The following SMAD6 variants were observed in gnomAD, a reference collection of about 807,000 sequenced individuals.
The protein encoded by SMAD6 is MAD homolog 6.
In SMAD6, 103 loss-of-function variants were observed where a neutral mutation model predicts 39.4. That is an observed-to-expected ratio of 2.62 (90% CI 2.23 to 3.08). SMAD6 has a LOEUF of 3.08. SMAD6 is among the 30% of genes most tolerant of loss of function. The pLI is 0.00. For synonymous variants in SMAD6, 445 were observed against 353.3 expected, an observed-to-expected ratio of 1.26 and a Z score of -2.91; for missense variants, 1,104 against 742.9, an observed-to-expected ratio of 1.49 and a Z score of -5.65.
rs546221660 is a variant in SMAD6 at position 66,751,379 on chromosome 15, G to T, written c.953-29618G>T. 3.2e-4 allele frequency among the ~76,000 whole-genome samples: 49 copies of T among 152,312 alleles called. 1 individual carries two copies. The South Asian group carries it at 1.0e-2, about 31-fold the overall frequency. On this transcript the variant is annotated intron_variant, in intron 3 of 3. Transcript: ENST00000288840. ...TGGTAGTCCATGAACAGTGCCTAGT[G>T]CTTAGTGCATAGTGGATGTTCAGGA...
At position 66,703,587 on chromosome 15, in the gene SMAD6, C is replaced by T; in HGVS notation, c.329C>T (p.Pro110Leu). Residue 110 changes from proline (P) to leucine (L), a missense_variant, in exon 1 of 4, where the codon CCG becomes CTG. Coordinates refer to ENST00000288840, the MANE Select transcript of SMAD6 (RefSeq NM_005585.5). ...AGCTCCCTGCTGGACGTGGCGGAGCCGGGAGGCCCGGGCTGGCTGCCCGAG... is the reference window on the plus strand; with the variant it reads ...AGCTCCCTGCTGGACGTGGCGGAGCTGGGAGGCCCGGGCTGGCTGCCCGAG... ...AGSSLLDVAE[P>L]GGPGWLPESD... 3.3e-6 allele frequency: 4 copies of T among 1,226,466 alleles called. No individual in the cohort carries two copies. The highest frequency in any genetic ancestry group is 3.2e-4 in the Middle Eastern group (1 of 3,112). 76.0% of individuals were successfully genotyped at this position (1,226,466 alleles called of 1,614,324 possible).
At chr15:66,734,558 C>T (rs575501637) in intron 3 of SMAD6, among the ~76,000 whole-genome samples, 1 of 152,194 alleles carries the variant, frequency 6.6e-6, no homozygotes, top group South Asian at 2.1e-4. Context: ...TTAGCTTTGA[C>T]TTTTATGACA....
rs1418213142 is a variant in SMAD6 at position 66,703,486 on chromosome 15, C to T, written c.228C>T (p.Gly76=). 2.4e-6 allele frequency: 3 copies of T among 1,234,248 alleles called. No homozygotes were observed. The highest frequency in any genetic ancestry group is 2.0e-6 in the Non-Finnish European group (2 of 984,792). The allele number at this position is 1,234,248 out of a possible 1,614,324, so 76.5% of individuals were successfully genotyped here. ...CCCGGGACGCAGTGGGACAGCGAGG[C>T]GCCCAGGGCGCGGGGAGGCGCCGGC... ...RRPRDAVGQR[G]AQGAGRRRRA... The change falls in exon 1 of 4, where the codon GGC becomes GGT. Residue 76 remains glycine (G), a synonymous_variant. Transcript: ENST00000288840.
intron 3 of SMAD6, among the ~76,000 whole-genome samples, chr15:66,757,337 C>T (rs1178629312): frequency 4.6e-5 from 7 of 152,150 alleles, no homozygotes; most frequent in East Asian, 1.9e-4. Context: ...CAAGAAATGC[C>T]GCTTTCCTTT....
intron 2 of SMAD6, among the ~76,000 whole-genome samples, chr15:66,712,690 A>G (rs1290462154): frequency 2.8e-5 from 4 of 141,574 alleles, no homozygotes; most frequent in Non-Finnish European, 4.5e-5. Flanking sequence ...TTCTGTCTCA[A>G]AAAAAAAAAA....
At chr15:66,779,562 G>A (rs1277021111) in intron 3 of SMAD6, among the ~76,000 whole-genome samples, 4 of 152,212 alleles carry the variant, frequency 2.6e-5, no homozygotes, top group Non-Finnish European at 4.4e-5. Context: ...CTCCCAGTGT[G>A]TAAGGGGATG....
At chr15:66,737,525 T>C (rs553679694) in intron 3 of SMAD6, among the ~76,000 whole-genome samples, 5 of 152,184 alleles carry the variant, frequency 3.3e-5, no homozygotes, top group Non-Finnish European at 4.4e-5. Flanking sequence ...GGGTGTTGAA[T>C]TGGAGGAAGG....
At chr15:66,744,500 TCC>T (rs1287033002) in intron 3 of SMAD6, among the ~76,000 whole-genome samples, 4 of 152,194 alleles carry the variant, frequency 2.6e-5, no homozygotes, top group African/African-American at 9.6e-5. Flanking sequence ...TCCATCCACC[TCC>T]GTCTCTGGCA....
chr15:66,747,324 C>T lies in SMAD6; in HGVS notation c.952+30826C>T, dbSNP rs1464131518. On this transcript the variant is annotated intron_variant, in intron 3 of 3. Coordinates refer to ENST00000288840, the MANE Select transcript of SMAD6 (RefSeq NM_005585.5). This position sits in a 1 kb window ranked among gnomAD's most constrained non-coding sequence, Gnocchi z 4.5. ...CACCACACCTGCCCTTCCCCATGAG[C>T]GCCTTACCTGCCGGTGCTAAGGAGC... Among the ~76,000 whole-genome samples, 5 of 152,356 alleles carry T rather than the reference C, an allele frequency of 3.3e-5. No individual in the cohort carries two copies. Among genetic ancestry groups the T allele is most frequent in the East Asian group, 3.9e-4 (2 of 5,186 alleles).
intron 3 of SMAD6, among the ~76,000 whole-genome samples, chr15:66,756,937 T>C (rs1221180297): frequency 2.6e-5 from 4 of 152,226 alleles, no homozygotes; most frequent in Admixed American, 6.5e-5. Context: ...GATACTCATA[T>C]GTTGGGAGGG....
chr15:66,725,395 C>G (rs373649967), intron 3 of SMAD6, among the ~76,000 whole-genome samples: 4 of 152,198 alleles, frequency 2.6e-5, no homozygotes, highest in Admixed American at 2.6e-4. Flanking sequence ...CCTACCCTCA[C>G]CATTTGGTAG....
intron 3 of SMAD6, among the ~76,000 whole-genome samples, chr15:66,767,801 A>G (rs1894313317): frequency 6.6e-6 from 1 of 152,106 alleles, no homozygotes; most frequent in African/African-American, 2.4e-5. Flanking sequence ...ACTTTAAGAA[A>G]ATTCAGTATA....
rs1567096473 is a variant in SMAD6 at position 66,716,469 on chromosome 15, C to G, written c.923C>G (p.Ser308Cys). 1 of 1,613,426 alleles carries G rather than the reference C, an allele frequency of 6.2e-7. No homozygotes were observed. The highest frequency in any genetic ancestry group is 1.3e-5 in the African/African-American group (1 of 74,914). Residue 308 changes from serine to cysteine, a missense_variant, in exon 3 of 4, where the codon TCC becomes TGC. Ser to Cys is a moderately radical substitution (Grantham distance 112). Transcript: ENST00000288840. ...LSYTETEATN[S>C]LITAPGEFSD... ...TACACTGAAACGGAGGCTACCAACT[C>G]CCTCATCACTGCTCCGGGTGAATTC...
intron 1 of SMAD6, 138 bp from the exon 2 acceptor site, chr15:66,711,530 C>G (rs1292162224): frequency 1.4e-6 from 1 of 724,524 alleles, no homozygotes; most frequent in Non-Finnish European, 2.5e-6. Context: ...GGGATTTGGG[C>G]AGCAGAGGAG....
intron 3 of SMAD6, among the ~76,000 whole-genome samples, chr15:66,768,669 C>T (rs1027921132): frequency 4.6e-5 from 7 of 152,340 alleles, no homozygotes; most frequent in Middle Eastern, 3.4e-3. Context: ...TCCTCACCTA[C>T]CTAACATCCT....
chr15:66,708,995 C>A (rs1219062094), intron 1 of SMAD6, among the ~76,000 whole-genome samples: 2 of 152,206 alleles, frequency 1.3e-5, no homozygotes, highest in Non-Finnish European at 2.9e-5. Context: ...CCCTGTAACA[C>A]CTGCAGCTAC....
At chr15:66,773,528 T>A (rs1178966792) in intron 3 of SMAD6, among the ~76,000 whole-genome samples, 1 of 152,156 alleles carries the variant, frequency 6.6e-6, no homozygotes, top group Non-Finnish European at 1.5e-5. Context: ...CTAAGTTTGA[T>A]AACAAAAACT....
At chr15:66,721,498 T>C (rs1419227678) in intron 3 of SMAD6, among the ~76,000 whole-genome samples, 1 of 152,218 alleles carries the variant, frequency 6.6e-6, no homozygotes, top group Non-Finnish European at 1.5e-5. Context: ...TGTGGTGGGC[T>C]GAAGAGCATG....
chr15:66,781,589 G>A lies in SMAD6; in HGVS notation c.*54G>A. On this transcript the variant is annotated 3_prime_UTR_variant, in exon 4 of 4. Transcript: ENST00000288840. ...GAGGCCGCGGCCACCGCCACCTGCC[G>A]GCCTCGAGAGGGGCCGATGCCCAGA... 3 of 1,354,886 alleles carry A rather than the reference G, an allele frequency of 2.2e-6. No homozygotes were observed. Among genetic ancestry groups the A allele is most frequent in the Non-Finnish European group, 2.9e-6 (3 of 1,024,364 alleles). The allele number at this position is 1,354,886 out of a possible 1,614,324, so 83.9% of individuals were successfully genotyped here.
Sources: gnomAD v4.1 joint callset for allele counts (sites outside exome capture counted in the v4.1 genomes callset) on GRCh38, gnomAD v4.1.1 for gene constraint, Gnocchi (gnomAD v3.1) non-coding constraint, MANE v1.5 for transcripts, NCBI Gene and HGNC (gene_info 2026-07-23, HGNC 2026-07-21) for gene names.